MCF2L2: variants seen among roughly 807,000 people sequenced by gnomAD.
The protein encoded by MCF2L2 is MCF.2 cell line derived transforming sequence-like 2.
Under a neutral mutation model 150.2 loss-of-function variants are expected in MCF2L2, and 102 were observed. The observed-to-expected ratio is 0.68, with a 90% confidence interval of 0.58 to 0.80. The LOEUF (loss-of-function observed/expected upper bound fraction) is 0.80. MCF2L2 is among the 30% of genes least tolerant of loss of function. MCF2L2 has a pLI of 0.00. For missense variants in MCF2L2, 1,256 were observed against 1,372.8 expected, an observed-to-expected ratio of 0.91 and a Z score of 1.34; for synonymous variants, 465 against 491.3, an observed-to-expected ratio of 0.95 and a Z score of 0.71.
chr3:183,375,151 T>C (rs2108582122), intron 3 of MCF2L2: 1 of 152,306 alleles, frequency 6.6e-6, no homozygotes, highest in East Asian at 1.9e-4. Context: ...GAATAATAAG[T>C]TTTGTCACAC....
chr3:183,216,093 T>C lies in MCF2L2; in HGVS notation c.2372A>G (p.Asp791Gly). ...DPGELGGSAK[D>G]GPKRTKDSAF... ...TGAATCTTTGGTTCTCTTTGGCCCA[T>C]CCTGTGGAAAACAAATGCCTTGTTG... Residue 791 changes from aspartate (D) to glycine (G), a missense_variant and splice_region_variant, in exon 22 of 30, where the codon GAT becomes GGT. Physicochemically the swap from Asp to Gly is moderately conservative, Grantham distance 94 (BLOSUM62 -1). Transcript: ENST00000328913. 6.2e-7 allele frequency: 1 copy of C among 1,613,012 alleles called. No individual in the cohort carries two copies. Among genetic ancestry groups the C allele is most frequent in the South Asian group, 1.1e-5 (1 of 90,978 alleles).
At chr3:183,395,369 G>C (rs1029657857) in intron 1 of MCF2L2, among the ~76,000 whole-genome samples, 1 of 152,168 alleles carries the variant, frequency 6.6e-6, no homozygotes, top group Admixed American at 6.5e-5. Flanking sequence ...AACCAAGCGT[G>C]TGATATGTTT....
At chr3:183,241,999 C>A (rs1724048862) in intron 15 of MCF2L2, among the ~76,000 whole-genome samples, 1 of 152,154 alleles carries the variant, frequency 6.6e-6, no homozygotes, top group African/African-American at 2.4e-5. Flanking sequence ...CAGCATTTTG[C>A]CCCTGCCCTA....
At chr3:183,371,537 A>G (rs552359657) in intron 3 of MCF2L2, among the ~76,000 whole-genome samples, 1 of 144,614 alleles carries the variant, frequency 6.9e-6, no homozygotes, top group Admixed American at 7.3e-5. Context: ...GGGTGATCTC[A>G]GCTCACTGCA....
In MCF2L2 at chr3:183,346,847, C is replaced by T. The variant is rs575426780; in HGVS notation, c.276-5217G>A. Among the ~76,000 whole-genome samples, 7 of 152,240 alleles carry T rather than the reference C, an allele frequency of 4.6e-5. No individual in the cohort carries two copies. The East Asian group carries it at 1.3e-3, about 29-fold the overall frequency. ...ATAAAGTACCTAGAAATACAACTTA[C>T]AAGGGATGTGAAGGACTTCTTCAAG... On this transcript the variant is annotated intron_variant, in intron 3 of 29. Transcript: ENST00000328913.
At chr3:183,191,850 T>C (rs1721903926) in intron 27 of MCF2L2, among the ~76,000 whole-genome samples, 1 of 152,152 alleles carries the variant, frequency 6.6e-6, no homozygotes, top group Non-Finnish European at 1.5e-5. Flanking sequence ...TTATTTTATT[T>C]ATTTTTTTGA....
intron 15 of MCF2L2, among the ~76,000 whole-genome samples, chr3:183,244,098 C>T (rs1163052722): frequency 2.6e-5 from 4 of 150,998 alleles, no homozygotes; most frequent in Non-Finnish European, 4.4e-5. Context: ...CACTCCAGCC[C>T]GGGTGACAGA....
At chr3:183,300,561 A>C (rs1244121234) in intron 10 of MCF2L2, among the ~76,000 whole-genome samples, 1 of 152,220 alleles carries the variant, frequency 6.6e-6, no homozygotes, top group African/African-American at 2.4e-5. Context: ...GCAGAAAAGC[A>C]TGGAGTGCAC....
At position 183,368,403 on chromosome 3, in the gene MCF2L2, G is replaced by T. The variant is rs1712666000; in HGVS notation, c.275+10894C>A. ...TTGGAACACAGCCAATTTAAGTATT[G>T]TCTATGGTTGCTTTTGAGCTACAAC... is the stretch of plus-strand genomic sequence containing the variant. On this transcript the variant is annotated intron_variant, in intron 3 of 29. Coordinates refer to ENST00000328913, the MANE Select transcript of MCF2L2 (RefSeq NM_015078.4). 2.0e-5 allele frequency among the ~76,000 whole-genome samples: 3 copies of T among 152,190 alleles called. No individual in the cohort carries two copies. The South Asian group carries it at 6.2e-4, about 32-fold the overall frequency.
intron 1 of MCF2L2, among the ~76,000 whole-genome samples, chr3:183,408,718 T>A (rs139889476): frequency 8.2e-4 from 125 of 152,218 alleles, no homozygotes; most frequent in African/African-American, 2.8e-3. Context: ...TAACAATAGG[T>A]AGAAAAAAAC....
chr3:183,215,729 C>T (rs1722886755), intron 22 of MCF2L2, among the ~76,000 whole-genome samples: 5 of 152,162 alleles, frequency 3.3e-5, no homozygotes, highest in Admixed American at 2.6e-4. Flanking sequence ...TCTGGTTTGT[C>T]CAGACAGTGG....
intron 3 of MCF2L2, among the ~76,000 whole-genome samples, chr3:183,370,685 A>AC (rs1174190349): frequency 6.6e-6 from 1 of 152,232 alleles, no homozygotes; most frequent in African/African-American, 2.4e-5. Flanking sequence ...GGAAGAAGTA[A>AC]CATCAGACCC....
chr3:183,358,289 G>C (rs1322433022), intron 3 of MCF2L2, among the ~76,000 whole-genome samples: 6 of 151,862 alleles, frequency 4.0e-5, no homozygotes, highest in Non-Finnish European at 5.9e-5. Context: ...GCGAAACTCT[G>C]TCACAAGAAA....
At chr3:183,195,107 C>T in intron 26 of MCF2L2, 115 bp downstream of exon 26, 1 of 898,648 alleles carries the variant, frequency 1.1e-6, no homozygotes, top group Non-Finnish European at 1.7e-6. Context: ...ATTGGAAATC[C>T]CTTGTAATAA....
At chr3:183,423,383 G>A (rs1305729736) in intron 1 of MCF2L2, among the ~76,000 whole-genome samples, 1 of 152,134 alleles carries the variant, frequency 6.6e-6, no homozygotes, top group Non-Finnish European at 1.5e-5. Context: ...GTATCCTAGA[G>A]CCTCTGTCAC....
chr3:183,415,703 G>A (rs73184989), intron 1 of MCF2L2, among the ~76,000 whole-genome samples: 18,732 of 152,060 alleles, frequency 0.12, 1,259 homozygotes, highest in East Asian at 0.2. Flanking sequence ...TATAGTTACA[G>A]TTTGTATCAT....
At chr3:183,189,789 A>T (rs927865894) in intron 27 of MCF2L2, among the ~76,000 whole-genome samples, 1 of 152,160 alleles carries the variant, frequency 6.6e-6, no homozygotes, top group Non-Finnish European at 1.5e-5. Context: ...GTACAAGGCG[A>T]AGTAGGCCAC....
chr3:183,201,801 C>T (rs1301464619), intron 25 of MCF2L2, among the ~76,000 whole-genome samples: 1 of 152,150 alleles, frequency 6.6e-6, no homozygotes. Flanking sequence ...TACGTCCCAT[C>T]AATACCTAGT....
intron 2 of MCF2L2, among the ~76,000 whole-genome samples, chr3:183,384,332 C>A (rs1434672765): frequency 1.3e-5 from 2 of 152,186 alleles, no homozygotes; most frequent in Non-Finnish European, 2.9e-5. Context: ...TCCATCTTGC[C>A]TGGGGATTAG....
Sources: allele counts gnomAD v4.1 joint callset (sites outside exome capture counted in the v4.1 genomes callset), GRCh38; gene constraint gnomAD v4.1.1; transcripts MANE v1.5; gene names NCBI Gene and HGNC (gene_info 2026-07-23, HGNC 2026-07-21).